CCSER1: variants seen among roughly 807,000 people sequenced by gnomAD.
CCSER1 encodes coiled-coil serine rich protein 1.
Under a neutral mutation model 82.0 loss-of-function variants are expected in CCSER1, and 41 were observed. The ratio of observed to expected loss-of-function variants is 0.50; its 90% confidence interval spans 0.39 to 0.65. CCSER1 has a LOEUF of 0.65. Among genes scored for constraint, CCSER1 ranks in the 30% least tolerant of loss-of-function variants. The pLI, the probability that CCSER1 is intolerant of heterozygous loss-of-function variation, is 0.00. For missense variants in CCSER1, 1,119 were observed against 1,064.2 expected, an observed-to-expected ratio of 1.05 and a Z score of -0.72; for synonymous variants, 414 against 383.9, an observed-to-expected ratio of 1.08 and a Z score of -0.92.
At chr4:90,737,533 T>C (rs575171226) in intron 7 of CCSER1, among the ~76,000 whole-genome samples, 1 of 152,196 alleles carries the variant, frequency 6.6e-6, no homozygotes, top group African/African-American at 2.4e-5. Context: ...TGCTGCTTTT[T>C]AGGATCCTTT....
At chr4:90,788,220 C>CT (rs1281657285) in intron 7 of CCSER1, among the ~76,000 whole-genome samples, 14 of 151,906 alleles carry the variant, frequency 9.2e-5, no homozygotes, top group Non-Finnish European at 1.3e-4. Context: ...TCTTCTTTTT[C>CT]TTTTTTCATT....
At chr4:90,945,972 C>T (rs1262596989) in intron 9 of CCSER1, among the ~76,000 whole-genome samples, 1 of 152,164 alleles carries the variant, frequency 6.6e-6, no homozygotes, top group African/African-American at 2.4e-5. Flanking sequence ...GTAACTTGCT[C>T]ACAATTACAT....
chr4:90,402,658 A>G (rs1203726159), intron 4 of CCSER1, among the ~76,000 whole-genome samples: 5 of 152,322 alleles, frequency 3.3e-5, no homozygotes, highest in Admixed American at 2.0e-4. Context: ...AGAAAACACT[A>G]CAGTTAACAT....
At chr4:91,163,281 C>T (rs192243838) in intron 10 of CCSER1, among the ~76,000 whole-genome samples, 12 of 152,320 alleles carry the variant, frequency 7.9e-5, no homozygotes, top group Non-Finnish European at 1.3e-4. Flanking sequence ...TTTGAGTACA[C>T]TATGGTCTTA....
intron 7 of CCSER1, among the ~76,000 whole-genome samples, chr4:90,764,685 T>C (rs1409110169): frequency 6.6e-6 from 1 of 152,286 alleles, no homozygotes; most frequent in East Asian, 1.9e-4. Flanking sequence ...CAGGCAATTA[T>C]AAGATATAGG....
rs77278023 is a variant in CCSER1 at position 91,275,399 on chromosome 4, A to G, written c.2217+189405A>G. ...AAAATGATATTTCAATTTGTTTTTGATTTGCACCTCCCTGATGATTCGTGA... is the reference window on the plus strand; with the variant it reads ...AAAATGATATTTCAATTTGTTTTTGGTTTGCACCTCCCTGATGATTCGTGA... On this transcript the variant is annotated intron_variant, in intron 10 of 10. Coordinates refer to ENST00000509176, the MANE Select transcript of CCSER1 (RefSeq NM_001145065.2). Among the ~76,000 whole-genome samples the G allele has an allele frequency of 1.6e-3, 237 of 151,854 alleles. 1 individual carries two copies. The highest frequency in any genetic ancestry group is 5.3e-3 in the African/African-American group (219 of 41,366).
At chr4:91,053,268 A>G (rs1168585467) in intron 9 of CCSER1, among the ~76,000 whole-genome samples, 2 of 152,132 alleles carry the variant, frequency 1.3e-5, no homozygotes, top group Non-Finnish European at 2.9e-5. Flanking sequence ...CAACAGGACA[A>G]CTCTTTCCAG....
chr4:91,334,191 G>C (rs1747160168), intron 10 of CCSER1, among the ~76,000 whole-genome samples: 1 of 152,042 alleles, frequency 6.6e-6, no homozygotes, highest in African/African-American at 2.4e-5. Context: ...AAAATCACAA[G>C]TTTTCTTTGT....
At chr4:91,452,432 A>T (rs1755922377) in intron 10 of CCSER1, among the ~76,000 whole-genome samples, 3 of 151,980 alleles carry the variant, frequency 2.0e-5, no homozygotes, top group Non-Finnish European at 2.9e-5. Flanking sequence ...TGTATTGGGT[A>T]CACTACTTGT....
intron 10 of CCSER1, among the ~76,000 whole-genome samples, chr4:91,546,269 C>A (rs1761884438): frequency 1.3e-5 from 2 of 151,952 alleles, no homozygotes; most frequent in African/African-American, 4.8e-5. Flanking sequence ...GTAATGCTGA[C>A]CTTATATAGA....
At chr4:91,126,551 A>G (rs1258379957) in intron 10 of CCSER1, among the ~76,000 whole-genome samples, 1 of 151,982 alleles carries the variant, frequency 6.6e-6, no homozygotes, top group African/African-American at 2.4e-5. Flanking sequence ...GAATGTTGCA[A>G]GAATGAAGTT....
At chr4:91,060,216 A>T (rs1743841156) in intron 9 of CCSER1, among the ~76,000 whole-genome samples, 1 of 152,088 alleles carries the variant, frequency 6.6e-6, no homozygotes, top group African/African-American at 2.4e-5. Context: ...GTTAAAACTG[A>T]TAGCTTTTCA....
At chr4:90,256,898 T>C (rs1315243611) in intron 1 of CCSER1, among the ~76,000 whole-genome samples, 1 of 152,124 alleles carries the variant, frequency 6.6e-6, no homozygotes, top group Non-Finnish European at 1.5e-5. Flanking sequence ...TACAGTATAT[T>C]GCTTTGTTTT....
intron 10 of CCSER1, among the ~76,000 whole-genome samples, chr4:91,308,868 A>T (rs965025718): frequency 3.3e-5 from 5 of 152,012 alleles, no homozygotes; most frequent in African/African-American, 1.2e-4. Flanking sequence ...TATAAAACAT[A>T]ATTTGTAATT....
At chr4:90,361,814 T>C (rs756557535) in intron 3 of CCSER1, among the ~76,000 whole-genome samples, 1 of 152,230 alleles carries the variant, frequency 6.6e-6, no homozygotes, top group Non-Finnish European at 1.5e-5. Flanking sequence ...GGGAGACAGT[T>C]CTCTGTGAGT....
In CCSER1 at chr4:91,115,571, C is replaced by T. The variant is rs562170975; in HGVS notation, c.2217+29577C>T. 1.6e-4 allele frequency among the ~76,000 whole-genome samples: 23 copies of T among 140,630 alleles called. No homozygotes were observed. The South Asian group carries it at 3.5e-3, about 22-fold the overall frequency. The allele number at this position is 140,630 out of a possible 152,430, so 92.3% of individuals were successfully genotyped here. A position where few individuals can be genotyped will look rare whatever the true frequency, so the allele number is the denominator to read the frequency against. On this transcript the variant is annotated intron_variant, in intron 10 of 10. Transcript: ENST00000509176. Reference sequence around the variant, plus strand: ...CCAACTCCTGACCTCGTGATCTGCCCGCCTTGGTCAACTCTTTTTTTATAC... The same window carrying T: ...CCAACTCCTGACCTCGTGATCTGCCTGCCTTGGTCAACTCTTTTTTTATAC...
chr4:91,360,352 C>G (rs1749167188), intron 10 of CCSER1, among the ~76,000 whole-genome samples: 1 of 151,694 alleles, frequency 6.6e-6, no homozygotes, highest in Non-Finnish European at 1.5e-5. Context: ...TAAGAGAGCT[C>G]TTATAAAATG....
intron 10 of CCSER1, among the ~76,000 whole-genome samples, chr4:91,441,216 C>T (rs1216434347): frequency 6.6e-6 from 1 of 151,836 alleles, no homozygotes; most frequent in East Asian, 1.9e-4. Context: ...ATACAAAAAT[C>T]CTCAATAAAA....
intron 1 of CCSER1, among the ~76,000 whole-genome samples, chr4:90,297,073 T>G (rs1035384925): frequency 6.6e-5 from 10 of 152,116 alleles, no homozygotes; most frequent in African/African-American, 2.4e-4. Flanking sequence ...GATCTATAAA[T>G]TACCTTGGGC....
Sources: gnomAD v4.1 joint callset for allele counts (sites outside exome capture counted in the v4.1 genomes callset) on GRCh38, gnomAD v4.1.1 for gene constraint, MANE v1.5 for transcripts, NCBI Gene and HGNC (gene_info 2026-07-23, HGNC 2026-07-21) for gene names.